SNRPN: variants seen among roughly 807,000 people sequenced by gnomAD.
SNRPN encodes the protein small nuclear ribonucleoprotein polypeptide N.
Under a neutral mutation model 25.2 loss-of-function variants are expected in SNRPN, and 7 were observed. That is an observed-to-expected ratio of 0.28 (90% confidence interval 0.16 to 0.52). The LOEUF (loss-of-function observed/expected upper bound fraction) is 0.52. SNRPN is among the 20% of genes least tolerant of loss of function. The pLI is 0.96. For missense variants in SNRPN, 196 were observed against 322.5 expected (o/e 0.61, Z 3.00); for synonymous variants, 124 against 110.6 (o/e 1.12, Z -0.76).
intron 1 of SNRPN, among the ~76,000 whole-genome samples, chr15:24,876,357 C>CCTTT (rs1470858323): frequency 1.1e-4 from 16 of 152,162 alleles, no homozygotes; most frequent in Non-Finnish European, 2.1e-4. Flanking sequence ...GTGGCTCATG[C>CCTTT]CTTTAATCTC....
intron 2 of SNRPN, among the ~76,000 whole-genome samples, chr15:24,903,307 T>C (rs1390973744): frequency 1.3e-5 from 2 of 152,236 alleles, no homozygotes; most frequent in South Asian, 2.1e-4. Flanking sequence ...ATTCCACAGA[T>C]ATGACTGTAA....
At chr15:24,942,485 G>C (rs761473272) in intron 3 of SNRPN, 2 of 152,214 alleles carry the variant, frequency 1.3e-5, no homozygotes, top group Non-Finnish European at 2.9e-5. Context: ...AATTCCATGA[G>C]CATGGGCCCA....
intron 3 of SNRPN, among the ~76,000 whole-genome samples, chr15:24,931,025 G>A (rs1238786139): frequency 6.6e-6 from 1 of 152,078 alleles, no homozygotes; most frequent in Non-Finnish European, 1.5e-5. Flanking sequence ...ACTCCAGCCT[G>A]GGCGACAGAG....
At chr15:24,978,087 C>A in intron 8 of SNRPN, 106 bp from the exon 9 acceptor site, 1 of 1,277,746 alleles carries the variant, frequency 7.8e-7, no homozygotes, top group Non-Finnish European at 1.1e-6. Flanking sequence ...AGTTATTTGA[C>A]TCTATCATTG....
chr15:24,831,507 T>C (rs2050514469), intron 2 of SNRPN, among the ~76,000 whole-genome samples: 1 of 151,976 alleles, frequency 6.6e-6, no homozygotes, highest in African/African-American at 2.4e-5. Flanking sequence ...ATCCACTCTT[T>C]CTTCATTTTT....
chr15:24,916,900 GA>G, intron 2 of SNRPN, among the ~76,000 whole-genome samples: 1 of 152,128 alleles, frequency 6.6e-6, no homozygotes, highest in East Asian at 1.9e-4. Flanking sequence ...TGTGAAGATC[GA>G]AAGAACAAAA....
intron 3 of SNRPN, chr15:24,921,260 G>A (rs769040979): frequency 6.6e-6 from 1 of 152,168 alleles, no homozygotes; most frequent in Non-Finnish European, 1.5e-5. Context: ...AAGCAGGTGA[G>A]CAGAGTTTGC....
chr15:24,955,133 A>G (rs987757416), intron 1 of SNRPN, 71 bp downstream of exon 1: 1 of 1,602,620 alleles, frequency 6.2e-7, no homozygotes, highest in Non-Finnish European at 8.5e-7. Context: ...CAGATATTCC[A>G]AGTTTTTAGG....
chr15:24,955,371 C>T (rs141481392), intron 1 of SNRPN, among the ~76,000 whole-genome samples: 3 of 151,878 alleles, frequency 2.0e-5, no homozygotes, highest in African/African-American at 7.2e-5. Context: ...TGCGGGGTAA[C>T]CGCAGTGGGC....
intron 2 of SNRPN, 67 bp downstream of exon 2, chr15:24,962,276 A>G (rs895187699): frequency 2.7e-5 from 34 of 1,250,842 alleles, no homozygotes; most frequent in Non-Finnish European, 4.0e-5. Flanking sequence ...ACAAAATATC[A>G]TGCAATGAGG....
At chr15:24,850,076 T>C (rs2052674791) in intron 2 of SNRPN, 1 of 152,180 alleles carries the variant, frequency 6.6e-6, no homozygotes, top group African/African-American at 2.4e-5. Flanking sequence ...AAAACAAGGC[T>C]GGACCACTGT....
chr15:24,925,882 C>A (rs2060346189), intron 3 of SNRPN, among the ~76,000 whole-genome samples: 1 of 152,042 alleles, frequency 6.6e-6, no homozygotes. Flanking sequence ...GCGGTAGCGC[C>A]CGCAACCACA....
intron 5 of SNRPN, 95 bp downstream of exon 5, chr15:24,975,604 A>G: frequency 9.8e-7 from 1 of 1,016,910 alleles, no homozygotes; most frequent in South Asian, 1.4e-5. Flanking sequence ...TAACTGAAGT[A>G]GTTAGGGAAA....
At chr15:24,932,398 C>A (rs1266708000) in intron 3 of SNRPN, among the ~76,000 whole-genome samples, 1 of 151,998 alleles carries the variant, frequency 6.6e-6, no homozygotes, top group East Asian at 1.9e-4. Context: ...CCACGACTGG[C>A]CAATTTTTGT....
At chr15:24,974,569 C>T (rs1199836872) in intron 4 of SNRPN, 113 bp downstream of exon 4, 6 of 979,564 alleles carry the variant, frequency 6.1e-6, no homozygotes, top group African/African-American at 4.8e-5. Context: ...AGGATACATC[C>T]ATGGATATGG....
In SNRPN at chr15:24,834,728, C is replaced by CTCTCT. The variant is rs2050864758; in HGVS notation, c.-579+4823_-579+4824insTCTCT. 2.5e-3 allele frequency among the ~76,000 whole-genome samples: 109 copies of CTCTCT among 42,790 alleles called. 4 individuals carry two copies. The highest frequency in any genetic ancestry group is 0.015 in the Middle Eastern group (1 of 68). The allele number at this position is 42,790 out of a possible 152,430, so 28.1% of individuals were successfully genotyped here. A position where few individuals can be genotyped will look rare whatever the true frequency, so the allele number is the denominator to read the frequency against. ...GAGTGAGACCTTGTCTCTCTCTCTC[C>CTCTCT]CTCTCTCTCTCTCTCTCTCTCTCTA... On this transcript the variant is annotated intron_variant, in intron 2 of 12. Transcript: ENST00000400100.
intron 1 of SNRPN, among the ~76,000 whole-genome samples, chr15:24,957,594 G>T (rs1288101789): frequency 1.3e-5 from 2 of 152,054 alleles, no homozygotes. Flanking sequence ...TATCATAACT[G>T]GTATGTCTGG....
intron 2 of SNRPN, chr15:24,850,282 A>G (rs1283146569): frequency 2.0e-5 from 3 of 152,226 alleles, no homozygotes; most frequent in African/African-American, 7.2e-5. Context: ...ATGATAACTA[A>G]TAACGATACA....
intron 1 of SNRPN, among the ~76,000 whole-genome samples, chr15:24,861,762 C>T (rs949019100): frequency 1.8e-4 from 28 of 151,838 alleles, no homozygotes; most frequent in Non-Finnish European, 2.9e-4. Flanking sequence ...ACATAAGAGT[C>T]GATTTAATAT....
Sources: gnomAD v4.1 joint callset for allele counts (sites outside exome capture counted in the v4.1 genomes callset) on GRCh38, gnomAD v4.1.1 for gene constraint, MANE v1.5 for transcripts, NCBI Gene and HGNC (gene_info 2026-07-23, HGNC 2026-07-21) for gene names.